Variants in ACTN2 observed in about 807,000 individuals in gnomAD.
The protein encoded by ACTN2 is alpha-actinin-2.
In ACTN2, 39 loss-of-function variants were observed where a neutral mutation model predicts 113.8. The ratio of observed to expected loss-of-function variants is 0.34; its 90% CI spans 0.27 to 0.45. The LOEUF is 0.45. ACTN2 is among the 20% of genes least tolerant of loss of function. The pLI is 1.00. For missense variants in ACTN2, 992 were observed against 1,177.9 expected (o/e 0.84, Z 2.31); for synonymous variants, 429 against 444.1 (o/e 0.97, Z 0.43).
At chr1:236,726,973 T>C (rs1658569066) in intron 5 of ACTN2, among the ~76,000 whole-genome samples, 1 of 152,202 alleles carries the variant, frequency 6.6e-6, no homozygotes, top group Non-Finnish European at 1.5e-5. Flanking sequence ...CTGATAACTC[T>C]CACGGAGGTC....
Position 236,762,697 on chromosome 1 carries a change from A to G in ACTN2, c.*78A>G. ...CACAGTTTGTTTCCTGGAAACTTTG[A>G]CAAGCTTTATTAAGTTGAGAGAGAG... On this transcript the variant is annotated 3_prime_UTR_variant, in exon 21 of 21. Transcript: ENST00000366578. 1 of 1,538,706 alleles carries G rather than the reference A, an allele frequency of 6.5e-7. No homozygotes were observed. The highest frequency in any genetic ancestry group is 8.8e-7 in the Non-Finnish European group (1 of 1,132,858).
chr1:236,713,226 CT>C (rs60295974), intron 1 of ACTN2, among the ~76,000 whole-genome samples: 9,958 of 143,968 alleles, frequency 0.069, 369 homozygotes, highest in Middle Eastern at 0.1. Flanking sequence ...GTTCTTTTTT[CT>C]TTTTTTTTTT....
At position 236,762,967 on chromosome 1, in the gene ACTN2, C is replaced by A; in HGVS notation, c.*348C>A. On this transcript the variant is annotated 3_prime_UTR_variant, in exon 21 of 21. Coordinates refer to ENST00000366578, the MANE Select transcript of ACTN2 (RefSeq NM_001103.4). ...GTGAAAAATGTGAAAATACAAAATA[C>A]CCAAGATTTAAGACCGGGGGGAAAA... 1 of 326,454 alleles carries A rather than the reference C, an allele frequency of 3.1e-6. No individual in the cohort carries two copies. The highest frequency in any genetic ancestry group is 5.9e-6 in the Non-Finnish European group (1 of 168,758). 20.2% of individuals were successfully genotyped at this position (326,454 alleles called of 1,614,324 possible).
intron 6 of ACTN2, among the ~76,000 whole-genome samples, chr1:236,730,681 A>T (rs1658688867): frequency 6.6e-6 from 1 of 151,968 alleles, no homozygotes; most frequent in African/African-American, 2.4e-5. Flanking sequence ...TAAGAACAAA[A>T]TTTTTTTCAT....
rs3738543 is a variant in ACTN2, at chr1:236,744,547, G to A, written c.1256-79G>A. On this transcript the variant is annotated intron_variant, in intron 11 of 20. Coordinates refer to ENST00000366578, the MANE Select transcript of ACTN2 (RefSeq NM_001103.4). ...TCTCTTGGTTCTTTGGAATCTCACC[G>A]CTCCCTGAGAATGTGGCTGGCATGA... 0.092 allele frequency: 140,894 copies of A among 1,537,748 alleles called. 6,810 individuals carry two copies. Among genetic ancestry groups the A allele is most frequent in the Middle Eastern group, 0.16 (754 of 4,628 alleles).
chr1:236,716,835 AT>A (rs36142948), intron 1 of ACTN2, among the ~76,000 whole-genome samples: 68 of 116,354 alleles, frequency 5.8e-4, no homozygotes, highest in African/African-American at 2.2e-3. Flanking sequence ...CATTTTGAAC[AT>A]TTTTTTTTTT....
chr1:236,712,895 C>T lies in ACTN2; in HGVS notation c.127-4963C>T, dbSNP rs1177532609. On this transcript the variant is annotated intron_variant, in intron 1 of 20. Transcript: ENST00000366578. ...TTAAAAATTTTATAAATGTTTATCT[C>T]ATTATATGTTCTCTCCATCAGTTGC... is the stretch of plus-strand genomic sequence containing the variant. Among the ~76,000 whole-genome samples the T allele has an allele frequency of 2.0e-5, 3 of 148,538 alleles. No homozygotes were observed. The East Asian group carries it at 5.9e-4, about 29-fold the overall frequency.
chr1:236,715,511 C>G (rs1351032798), intron 1 of ACTN2, among the ~76,000 whole-genome samples: 1 of 152,008 alleles, frequency 6.6e-6, no homozygotes, highest in East Asian at 1.9e-4. Flanking sequence ...TTTGCACCAT[C>G]CAATACTACT....
At chr1:236,759,840 G>T in intron 19 of ACTN2, 51 bp downstream of exon 19, 2 of 1,555,410 alleles carry the variant, frequency 1.3e-6, no homozygotes, top group Non-Finnish European at 1.8e-6. Flanking sequence ...ATTGAATTTG[G>T]ATTTCTGTTA....
At chr1:236,716,637 T>C (rs2102891422) in intron 1 of ACTN2, among the ~76,000 whole-genome samples, 1 of 152,158 alleles carries the variant, frequency 6.6e-6, no homozygotes, top group African/African-American at 2.4e-5. Flanking sequence ...TGGAATATGC[T>C]TGTAGGAGGT....
chr1:236,712,997 G>T (rs1261369545), intron 1 of ACTN2, among the ~76,000 whole-genome samples: 4 of 145,376 alleles, frequency 2.8e-5, no homozygotes, highest in Non-Finnish European at 6.0e-5. Flanking sequence ...TCTTAATATT[G>T]TCAGTTTTAA....
intron 13 of ACTN2, among the ~76,000 whole-genome samples, chr1:236,748,894 A>C (rs913920705): frequency 6.6e-6 from 1 of 152,228 alleles, no homozygotes; most frequent in South Asian, 2.1e-4. Context: ...AGACACTTTA[A>C]AAATGAGGCT....
intron 1 of ACTN2, among the ~76,000 whole-genome samples, chr1:236,698,798 G>T (rs1417638571): frequency 6.6e-6 from 1 of 152,174 alleles, no homozygotes; most frequent in Non-Finnish European, 1.5e-5. Context: ...TGCTGAAGAA[G>T]ACAGAGAAAC....
At position 236,749,121 on chromosome 1, in the gene ACTN2, T is replaced by C. The variant is rs2102936291; in HGVS notation, c.1516-3T>C. ...ATAATGCTTGCTTCTCTTTATTCTT[T>C]AGAGAATGGAGAAATTGCTAGAAAC... On this transcript the variant is annotated splice_polypyrimidine_tract_variant and splice_region_variant and intron_variant, in intron 13 of 20. Coordinates refer to ENST00000366578, the MANE Select transcript of ACTN2 (RefSeq NM_001103.4). 4 of 1,614,170 alleles carry C rather than the reference T, an allele frequency of 2.5e-6. No individual in the cohort carries two copies. Among genetic ancestry groups the C allele is most frequent in the Non-Finnish European group, 3.4e-6 (4 of 1,180,022 alleles).
chr1:236,759,629 A>T (rs1315548332), intron 18 of ACTN2, 95 bp from the exon 19 acceptor site: 2 of 1,049,946 alleles, frequency 1.9e-6, no homozygotes, highest in Non-Finnish European at 3.0e-6. Context: ...CAGAGCTCAA[A>T]GTGCTTCTCT....
At chr1:236,718,756 A>G (rs564030381) in intron 2 of ACTN2, 138 bp from the exon 3 acceptor site, 1 of 1,220,312 alleles carries the variant, frequency 8.2e-7, no homozygotes, top group Admixed American at 2.0e-5. Flanking sequence ...TGTGATTTAG[A>G]GAGACCAGGC....
At chr1:236,737,023 G>A in intron 8 of ACTN2, 99 bp from the exon 9 acceptor site, 6 of 962,846 alleles carry the variant, frequency 6.2e-6, no homozygotes, top group South Asian at 2.7e-5. Context: ...TCTACAGCAC[G>A]CCACCCTCCT....
At chr1:236,696,140 C>T (rs12742567) in intron 1 of ACTN2, among the ~76,000 whole-genome samples, 1 of 151,892 alleles carries the variant, frequency 6.6e-6, no homozygotes, top group Non-Finnish European at 1.5e-5. Flanking sequence ...AACCCCATCT[C>T]TATTAAAAAT....
At chr1:236,728,182 T>C (rs922434741) in intron 6 of ACTN2, among the ~76,000 whole-genome samples, 6 of 150,720 alleles carry the variant, frequency 4.0e-5, no homozygotes, top group East Asian at 1.9e-4. Context: ...CTCGCTCTGT[T>C]GCCCAAGCTG....
Sources: gnomAD v4.1 joint callset for allele counts (sites outside exome capture counted in the v4.1 genomes callset) on GRCh38, gnomAD v4.1.1 for gene constraint, MANE v1.5 for transcripts, NCBI Gene and HGNC (gene_info 2026-07-23, HGNC 2026-07-21) for gene names.